Variants in GLIS3 observed in about 807,000 individuals in gnomAD.
GLIS3 encodes the protein GLIS family zinc finger 3, also known as zinc finger protein GLIS3.
In GLIS3, 53 loss-of-function variants were observed where a neutral mutation model predicts 78.6. That is an observed-to-expected ratio of 0.67 (90% CI 0.54 to 0.85). The LOEUF is 0.85. Ranked by LOEUF, GLIS3 falls within the 40% of genes least tolerant of loss-of-function variation. The pLI is 0.00. For synonymous variants in GLIS3, 684 were observed against 509.9 expected, an observed-to-expected ratio of 1.34 and a Z score of -4.60; for missense variants, 1,703 against 1,231.1, an observed-to-expected ratio of 1.38 and a Z score of -5.74.
At position 3,893,674 on chromosome 9, in the gene GLIS3, T is replaced by A. The variant is rs150880253; in HGVS notation, c.2128+5017A>T. The stretch of plus-strand genomic sequence containing the variant: ...ATTTTATGATCCAGAGCAATGGTTT[T>A]CAAAGGCTGAAAAACATTTGACCAG... On this transcript the variant is annotated intron_variant, in intron 7 of 10. Coordinates refer to ENST00000381971, the MANE Select transcript of GLIS3 (RefSeq NM_001042413.2). Among the ~76,000 whole-genome samples, 99 of 152,338 alleles carry A rather than the reference T, an allele frequency of 6.5e-4. No individual in the cohort carries two copies. The Middle Eastern group carries it at 0.014, about 21-fold the overall frequency.
At chr9:4,162,410 T>C (rs1462832699) in intron 2 of GLIS3, among the ~76,000 whole-genome samples, 1 of 152,206 alleles carries the variant, frequency 6.6e-6, no homozygotes, top group African/African-American at 2.4e-5. Flanking sequence ...ATCCTTTCAA[T>C]TGTCACTTGG....
the GLIS3 span, among the ~76,000 whole-genome samples, chr9:4,485,851 A>T: frequency 6.6e-6 from 1 of 151,854 alleles, no homozygotes; most frequent in African/African-American, 2.4e-5. Context: ...CCTCCCAAGT[A>T]GCTGGAATTA....
At chr9:3,877,426 A>G (rs1218302133) in intron 8 of GLIS3, among the ~76,000 whole-genome samples, 3 of 152,184 alleles carry the variant, frequency 2.0e-5, no homozygotes, top group African/African-American at 4.8e-5. Flanking sequence ...CTGTTTTTAA[A>G]AAGTCCAGCA....
At chr9:3,920,020 T>TC (rs1824770400) in intron 6 of GLIS3, among the ~76,000 whole-genome samples, 1 of 149,506 alleles carries the variant, frequency 6.7e-6, no homozygotes, top group African/African-American at 2.5e-5. Flanking sequence ...TTTTTTTTTT[T>TC]TGAGACAGAG....
chr9:3,935,458 A>T, intron 5 of GLIS3, among the ~76,000 whole-genome samples: 1 of 152,208 alleles, frequency 6.6e-6, no homozygotes, highest in Non-Finnish European at 1.5e-5. Context: ...TTATTCCAAA[A>T]TGATTTCTGA....
Position 4,069,914 on chromosome 9 carries a change from T to G in GLIS3, c.1710+47854A>C, listed in dbSNP as rs996101178. ...CCATCTGGAAGCGGAAGCCTGTGGA[T>G]GTCAGGAAGATAAGCTTTGGACATT... On this transcript the variant is annotated intron_variant, in intron 4 of 10. Coordinates refer to ENST00000381971, the MANE Select transcript of GLIS3 (RefSeq NM_001042413.2). Among the ~76,000 whole-genome samples, 4 of 151,954 alleles carry G rather than the reference T, an allele frequency of 2.6e-5. No homozygotes were observed. The South Asian group carries it at 8.3e-4, about 31-fold the overall frequency.
chr9:4,451,705 T>G, the GLIS3 span, among the ~76,000 whole-genome samples: 7 of 152,040 alleles, frequency 4.6e-5, no homozygotes, highest in African/African-American at 1.5e-4. Flanking sequence ...CACTCAAAAT[T>G]GCACAACTAC....
chr9:4,323,344 C>T (rs1169411346), intron 2 of GLIS3, among the ~76,000 whole-genome samples: 1 of 152,104 alleles, frequency 6.6e-6, no homozygotes, highest in African/African-American at 2.4e-5. Context: ...ACATATTGTT[C>T]CCTTTTCCTT....
At chr9:4,216,967 C>T (rs1820908653) in intron 2 of GLIS3, among the ~76,000 whole-genome samples, 1 of 152,140 alleles carries the variant, frequency 6.6e-6, no homozygotes, top group Non-Finnish European at 1.5e-5. Flanking sequence ...AACAAGTGAA[C>T]ATTCAAAGGA....
At chr9:4,306,602 C>G (rs1410448608) in intron 4 of GLIS3, among the ~76,000 whole-genome samples, 1 of 152,140 alleles carries the variant, frequency 6.6e-6, no homozygotes, top group African/African-American at 2.4e-5. Flanking sequence ...TTTTCTCATT[C>G]CTAGATAAAA....
At chr9:4,450,218 C>T in the GLIS3 span, among the ~76,000 whole-genome samples, 8 of 151,872 alleles carry the variant, frequency 5.3e-5, no homozygotes, top group Admixed American at 2.0e-4. Flanking sequence ...CTTCAATAGC[C>T]GATTCAATCA....
At chr9:4,005,593 C>T (rs1162274855) in intron 4 of GLIS3, among the ~76,000 whole-genome samples, 2 of 152,160 alleles carry the variant, frequency 1.3e-5, no homozygotes, top group Admixed American at 1.3e-4. Context: ...GCACCTACTG[C>T]ATAGGTTTGT....
chr9:4,233,834 G>A (rs572450244), intron 2 of GLIS3, among the ~76,000 whole-genome samples: 2 of 152,322 alleles, frequency 1.3e-5, no homozygotes, highest in South Asian at 4.1e-4. Flanking sequence ...GTTTAGTGTA[G>A]CCATCATCAT....
chr9:3,868,835 ACATAGTGTTGTATACAACACTTGTTGT>A (rs1201686019), intron 8 of GLIS3, among the ~76,000 whole-genome samples: 20 of 1,438 alleles, frequency 0.014, no homozygotes, highest in African/African-American at 0.049. Context: ...CACTTGTTGT[ACATAGTGTTGTATACAACACTTGTTGT>A]ACATAGTCTT....
intron 8 of GLIS3, among the ~76,000 whole-genome samples, chr9:3,873,099 T>C (rs1173829831): frequency 6.6e-6 from 1 of 152,130 alleles, no homozygotes; most frequent in African/African-American, 2.4e-5. Context: ...TATTAAAAAG[T>C]CTTCCCAAAG....
intron 8 of GLIS3, among the ~76,000 whole-genome samples, chr9:3,867,869 G>C (rs1352006177): frequency 6.6e-6 from 1 of 151,972 alleles, no homozygotes; most frequent in Non-Finnish European, 1.5e-5. Context: ...GAGAGAAACT[G>C]GTCCTCTCAT....
chr9:3,986,955 A>C (rs1005703681), intron 4 of GLIS3, among the ~76,000 whole-genome samples: 1 of 152,226 alleles, frequency 6.6e-6, no homozygotes, highest in African/African-American at 2.4e-5. Flanking sequence ...TCACAACTTG[A>C]GTAAAAAAAG....
At chr9:4,329,134 G>T (rs897626475) in intron 2 of GLIS3, among the ~76,000 whole-genome samples, 2 of 152,162 alleles carry the variant, frequency 1.3e-5, no homozygotes, top group African/African-American at 4.8e-5. Context: ...TTGGGCAGCT[G>T]TGTGAGATCG....
At chr9:3,832,810 A>G (rs554651583) in intron 9 of GLIS3, among the ~76,000 whole-genome samples, 14 of 152,324 alleles carry the variant, frequency 9.2e-5, no homozygotes, top group African/African-American at 3.1e-4. Context: ...AGCACTCCTC[A>G]GCGTAATATC....
Sources: gnomAD v4.1 joint callset for allele counts (sites outside exome capture counted in the v4.1 genomes callset) on GRCh38, gnomAD v4.1.1 for gene constraint, MANE v1.5 for transcripts, NCBI Gene and HGNC (gene_info 2026-07-23, HGNC 2026-07-21) for gene names.